Variants in INTS9 observed in about 807,000 individuals in gnomAD.
The protein encoded by INTS9 is integrator complex subunit 9, also known as protein related to CPSF subunits of 74 kDa.
A neutral mutation model predicts 79.7 loss-of-function variants in INTS9; 55 were observed. The ratio of observed to expected loss-of-function variants is 0.69; its 90% CI spans 0.56 to 0.86. The LOEUF is 0.86. INTS9 is among the 40% of genes least tolerant of loss of function. The pLI is 0.00. For synonymous variants in INTS9, 319 were observed against 325.2 expected (o/e 0.98, Z 0.20); for missense variants, 721 against 831.5 (o/e 0.87, Z 1.64).
intron 1 of INTS9, among the ~76,000 whole-genome samples, chr8:28,887,884 T>A (rs554020098): frequency 6.6e-6 from 1 of 152,242 alleles, no homozygotes; most frequent in Non-Finnish European, 1.5e-5. Flanking sequence ...CCCGGTTTCA[T>A]ATTTCTAAAT....
At chr8:28,806,299 C>A (rs532036961) in intron 8 of INTS9, among the ~76,000 whole-genome samples, 1 of 152,102 alleles carries the variant, frequency 6.6e-6, no homozygotes, top group Non-Finnish European at 1.5e-5. Flanking sequence ...GCTTTTAATG[C>A]AGTTTTTATA....
intron 1 of INTS9, among the ~76,000 whole-genome samples, chr8:28,863,587 C>T (rs537178274): frequency 2.6e-5 from 4 of 152,246 alleles, no homozygotes; most frequent in South Asian, 4.2e-4. Context: ...ACCAGCCTGA[C>T]CAATACGGTG....
intron 8 of INTS9, among the ~76,000 whole-genome samples, chr8:28,801,225 C>T (rs1443282555): frequency 3.9e-5 from 6 of 152,200 alleles, no homozygotes; most frequent in Non-Finnish European, 5.9e-5. Flanking sequence ...CGGTGGCTCA[C>T]GCCTATAATC....
intron 1 of INTS9, among the ~76,000 whole-genome samples, chr8:28,867,333 C>T (rs1011548352): frequency 9.9e-5 from 15 of 151,998 alleles, no homozygotes; most frequent in East Asian, 3.9e-4. Context: ...GCAGGAGAAT[C>T]GCTTGAACCC....
At chr8:28,778,002 C>T in intron 12 of INTS9, 49 bp from the exon 13 acceptor site, 1 of 1,527,236 alleles carries the variant, frequency 6.5e-7, no homozygotes. Context: ...TACACAGGAG[C>T]TGCCAAGCCA....
intron 4 of INTS9, among the ~76,000 whole-genome samples, chr8:28,838,434 G>A (rs1372897780): frequency 6.6e-6 from 1 of 152,000 alleles, no homozygotes; most frequent in African/African-American, 2.4e-5. Context: ...GTTAGCATGT[G>A]AGGGAAAAGG....
At chr8:28,809,451 A>G (rs142450197) in intron 8 of INTS9, among the ~76,000 whole-genome samples, 18 of 152,298 alleles carry the variant, frequency 1.2e-4, no homozygotes, top group Admixed American at 5.2e-4. Flanking sequence ...ACACAATCCA[A>G]TTACGTGGGT....
intron 6 of INTS9, among the ~76,000 whole-genome samples, chr8:28,834,255 C>T (rs1275048174): frequency 6.6e-6 from 1 of 152,202 alleles, no homozygotes; most frequent in African/African-American, 2.4e-5. Context: ...TGCTGGTCCT[C>T]CTGCCTACCT....
intron 10 of INTS9, among the ~76,000 whole-genome samples, chr8:28,792,707 A>G (rs558914619): frequency 6.6e-6 from 1 of 152,268 alleles, no homozygotes; most frequent in East Asian, 1.9e-4. Context: ...TGAGGTCAGG[A>G]GTTCGAGACC....
At chr8:28,818,358 T>C (rs1319690104) in intron 6 of INTS9, among the ~76,000 whole-genome samples, 1 of 151,544 alleles carries the variant, frequency 6.6e-6, no homozygotes, top group African/African-American at 2.4e-5. Context: ...GTTTTTAGCA[T>C]GAAGGGTTGT....
rs1802309527 is a variant in INTS9 at position 28,768,046 on chromosome 8, A to G, written c.*100T>C. 2 of 1,099,154 alleles carry G rather than the reference A, an allele frequency of 1.8e-6. No individual in the cohort carries two copies. Among genetic ancestry groups the G allele is most frequent in the East Asian group, 2.3e-5 (1 of 42,584 alleles). The allele number at this position is 1,099,154 out of a possible 1,614,324, so 68.1% of individuals were successfully genotyped here. ...ACTCCTTAAGCCAGAGGACACCACA[A>G]AGACACAGTTAATGGCCTCTCATGC... On this transcript the variant is annotated 3_prime_UTR_variant, in exon 17 of 17. Transcript: ENST00000521022.
In INTS9 at chr8:28,771,063, C is replaced by T; in HGVS notation, c.1581G>A (p.Val527=). ...EIMPELADSL[V]PMEIKPGISL... is the part of the protein sequence containing the mutation. ...AGATGCCAGGCTTGATCTCCATGGG[C>T]ACCAGTGAATCTGCGAGCTGAAAGC... is the stretch of plus-strand genomic sequence containing the variant. Residue 527 remains valine (V), a synonymous_variant, in exon 15 of 17, where the codon GTG becomes GTA. Coordinates refer to ENST00000521022, the MANE Select transcript of INTS9 (RefSeq NM_018250.4). 1.2e-6 allele frequency: 2 copies of T among 1,610,986 alleles called. No individual in the cohort carries two copies. Among genetic ancestry groups the T allele is most frequent in the Non-Finnish European group, 1.7e-6 (2 of 1,178,644 alleles).
chr8:28,857,056 C>CT (rs1258578553), intron 2 of INTS9, among the ~76,000 whole-genome samples: 2 of 152,124 alleles, frequency 1.3e-5, no homozygotes, highest in Non-Finnish European at 2.9e-5. Flanking sequence ...TGATTTCATT[C>CT]TTTTTTTATG....
Position 28,877,337 on chromosome 8 carries a change from T to C in INTS9, c.9+12537A>G, listed in dbSNP as rs1171574708. 7.9e-5 allele frequency among the ~76,000 whole-genome samples: 12 copies of C among 152,158 alleles called. 1 individual carries two copies. The highest frequency in any genetic ancestry group is 1.6e-4 in the Non-Finnish European group (11 of 67,998). On this transcript the variant is annotated intron_variant, in intron 1 of 16. Coordinates refer to ENST00000521022, the MANE Select transcript of INTS9 (RefSeq NM_018250.4). ...ATATAAAAATATGCTCCACATTGCATACATAATGTGAGAAAAATCAAATTT... is the reference window on the plus strand; with the variant it reads ...ATATAAAAATATGCTCCACATTGCACACATAATGTGAGAAAAATCAAATTT...
At chr8:28,852,412 C>T (rs1423894840) in intron 2 of INTS9, among the ~76,000 whole-genome samples, 1 of 151,658 alleles carries the variant, frequency 6.6e-6, no homozygotes, top group Non-Finnish European at 1.5e-5. Context: ...GTTTTAATTC[C>T]CGTCTCATTT....
At chr8:28,816,442 T>C (rs1805485907) in intron 6 of INTS9, among the ~76,000 whole-genome samples, 1 of 151,684 alleles carries the variant, frequency 6.6e-6, no homozygotes, top group Non-Finnish European at 1.5e-5. Context: ...CTGTGAATGA[T>C]GATTTCCAAT....
intron 3 of INTS9, among the ~76,000 whole-genome samples, chr8:28,848,463 T>A (rs9644148): frequency 0.47 from 71,529 of 151,968 alleles, 18,216 homozygotes; most frequent in Non-Finnish European, 0.57. Context: ...TCCACTGTAC[T>A]CTCTGGTTTC....
intron 4 of INTS9, among the ~76,000 whole-genome samples, chr8:28,838,064 G>A (rs1430430357): frequency 2.0e-5 from 3 of 151,846 alleles, no homozygotes; most frequent in Non-Finnish European, 4.4e-5. Context: ...ATGACAGCAG[G>A]ACCCTTCGGC....
intron 15 of INTS9, 137 bp from the exon 16 acceptor site, chr8:28,770,163 G>A (rs954421297): frequency 1.4e-5 from 16 of 1,114,004 alleles, no homozygotes; most frequent in African/African-American, 7.9e-5. Flanking sequence ...GCCGGCACTC[G>A]GTTCAGGTTC....
Sources: gnomAD v4.1 joint callset for allele counts (sites outside exome capture counted in the v4.1 genomes callset) on GRCh38, gnomAD v4.1.1 for gene constraint, MANE v1.5 for transcripts, NCBI Gene and HGNC (gene_info 2026-07-23, HGNC 2026-07-21) for gene names.